The following DPYD variants were observed in gnomAD, a reference collection of about 807,000 sequenced individuals.
DPYD encodes the protein dihydropyrimidine dehydrogenase [NADP(+)].
Under a neutral mutation model 116.2 loss-of-function variants are expected in DPYD, and 109 were observed. That is an observed-to-expected ratio of 0.94 (90% CI 0.80 to 1.10). DPYD has a LOEUF of 1.10. Ranked by LOEUF, DPYD falls within the 50% of genes least tolerant of loss-of-function variation. The pLI is 0.00. For synonymous variants in DPYD, 440 were observed against 432.0 expected (o/e 1.02, Z -0.23); for missense variants, 1,302 against 1,254.5 (o/e 1.04, Z -0.57).
chr1:97,652,427 A>T (rs188062104), intron 8 of DPYD, among the ~76,000 whole-genome samples: 1 of 152,324 alleles, frequency 6.6e-6, no homozygotes, highest in Admixed American at 6.5e-5. Flanking sequence ...AATTGGTATC[A>T]TTACTGATTA....
intron 5 of DPYD, chr1:97,720,274 A>G (rs951481328): frequency 2.0e-6 from 2 of 985,246 alleles, no homozygotes; most frequent in African/African-American, 3.5e-5. Context: ...TAGTTGATAT[A>G]CATACTATGT....
chr1:97,821,868 T>C (rs933069647), intron 3 of DPYD, among the ~76,000 whole-genome samples: 1 of 152,060 alleles, frequency 6.6e-6, no homozygotes, highest in African/African-American at 2.4e-5. Context: ...CAAAGCATTC[T>C]CTCCTCTATA....
intron 13 of DPYD, among the ~76,000 whole-genome samples, chr1:97,495,664 A>T (rs1679221402): frequency 6.6e-6 from 1 of 152,036 alleles, no homozygotes; most frequent in African/African-American, 2.4e-5. Flanking sequence ...ATTATTATTA[A>T]GATTTTCTTT....
chr1:97,767,650 CAAGAT>C (rs1289876460), intron 3 of DPYD, among the ~76,000 whole-genome samples: 3 of 150,958 alleles, frequency 2.0e-5, no homozygotes, highest in Non-Finnish European at 4.4e-5. Context: ...AGAGTTCAGT[CAAGAT>C]AAGCAGAACA....
chr1:97,586,121 C>G (rs1402430471), intron 10 of DPYD: 1 of 154,140 alleles, frequency 6.5e-6, no homozygotes, highest in Non-Finnish European at 1.4e-5. Context: ...ACGGGTGCAG[C>G]AGAAAAAGAC....
At chr1:97,460,176 A>G (rs1300942214) in intron 13 of DPYD, among the ~76,000 whole-genome samples, 3 of 152,230 alleles carry the variant, frequency 2.0e-5, no homozygotes, top group Non-Finnish European at 2.9e-5. Flanking sequence ...AAATCTGAAG[A>G]TAACAGTGTT....
rs568553235 is a variant in DPYD, at chr1:97,162,142, G to A, written c.2622+30927C>T. ...TCTAGTTCTAGGTCCCTGAGGAATC[G>A]CCACACTGACTTCCACAGTGGTTGA... is the stretch of plus-strand genomic sequence containing the variant. On this transcript the variant is annotated intron_variant, in intron 20 of 22. Transcript: ENST00000370192. 3.8e-3 allele frequency among the ~76,000 whole-genome samples: 571 copies of A among 152,112 alleles called. 7 individuals carry two copies. Among genetic ancestry groups the A allele is most frequent in the African/African-American group, 0.013 (539 of 41,480 alleles).
At chr1:97,415,174 CATTGGTAGAATGAA>C (rs1174969467) in intron 14 of DPYD, among the ~76,000 whole-genome samples, 2 of 152,106 alleles carry the variant, frequency 1.3e-5, no homozygotes, top group Non-Finnish European at 2.9e-5. Context: ...AACTCTAGGA[CATTGGTAGAATGAA>C]AAGCTGGGAA....
At chr1:97,829,114 G>C (rs1165198638) in intron 2 of DPYD, among the ~76,000 whole-genome samples, 1 of 151,076 alleles carries the variant, frequency 6.6e-6, no homozygotes, top group Non-Finnish European at 1.5e-5. Context: ...GTATTTAGTT[G>C]ATAAAATAAC....
chr1:97,471,565 T>C lies in DPYD; in HGVS notation c.1741-21342A>G, dbSNP rs75957149. ...CAGAAATGAGTATTTTCACAGTAAA[T>C]TAGTATGGGATGTGATCGTCCCACT... On this transcript the variant is annotated intron_variant, in intron 13 of 22. Transcript: ENST00000370192. Among the ~76,000 whole-genome samples, 377 of 151,294 alleles carry C rather than the reference T, an allele frequency of 2.5e-3. 7 individuals carry two copies. In the East Asian group the frequency reaches 0.04, roughly 16 times the overall value.
intron 14 of DPYD, among the ~76,000 whole-genome samples, chr1:97,395,906 A>G (rs532451954): frequency 4.1e-4 from 62 of 152,018 alleles, no homozygotes; most frequent in Non-Finnish European, 7.1e-4. Flanking sequence ...GCTGACCTAG[A>G]TTAGCCAGTC....
chr1:97,544,674 G>GAA (rs147676795), intron 12 of DPYD, among the ~76,000 whole-genome samples: 26,573 of 140,726 alleles, frequency 0.19, 2,571 homozygotes, highest in Middle Eastern at 0.23. Context: ...GAAATGAACA[G>GAA]AAAAAAAAAA....
rs72726647 is a variant in DPYD at position 97,236,739 on chromosome 1, C to G, written c.2300-1745G>C. On this transcript the variant is annotated intron_variant, in intron 18 of 22. Transcript: ENST00000370192. ...CAAGTGTGAAACCTATTGTAAAGTT[C>G]GGACTTTGGGTGGTTAGGCTATAGG... Among the ~76,000 whole-genome samples the G allele has an allele frequency of 9.0e-3, 1,375 of 152,242 alleles. 14 individuals carry two copies. The highest frequency in any genetic ancestry group is 0.038 in the Middle Eastern group (11 of 292).
At chr1:97,530,276 G>A (rs1425043101) in intron 12 of DPYD, among the ~76,000 whole-genome samples, 1 of 142,402 alleles carries the variant, frequency 7.0e-6, no homozygotes, top group East Asian at 2.1e-4. Context: ...GGAGTGCAGC[G>A]GCACAATCTC....
intron 3 of DPYD, chr1:97,797,995 G>A (rs928110243): frequency 2.0e-5 from 3 of 151,850 alleles, no homozygotes; most frequent in African/African-American, 7.3e-5. Flanking sequence ...CTAACTCTGG[G>A]GAACATAACG....
intron 11 of DPYD, among the ~76,000 whole-genome samples, chr1:97,564,409 G>A (rs978105402): frequency 6.6e-6 from 1 of 152,102 alleles, no homozygotes; most frequent in Non-Finnish European, 1.5e-5. Context: ...TTAAGAAGCT[G>A]TTATTTAAAT....
intron 13 of DPYD, among the ~76,000 whole-genome samples, chr1:97,503,156 GATA>G (rs1266668292): frequency 6.8e-6 from 1 of 147,766 alleles, no homozygotes; most frequent in Admixed American, 6.7e-5. Flanking sequence ...TACTTAATAA[GATA>G]ATATTTGTAT....
chr1:97,485,422 G>A (rs942144975), intron 13 of DPYD, among the ~76,000 whole-genome samples: 13 of 152,172 alleles, frequency 8.5e-5, no homozygotes, highest in South Asian at 2.1e-4. Flanking sequence ...GGCTGGTCTC[G>A]AACTCCTGAG....
chr1:97,627,195 G>A (rs1403110978), intron 8 of DPYD, among the ~76,000 whole-genome samples: 1 of 151,860 alleles, frequency 6.6e-6, no homozygotes, highest in Admixed American at 6.6e-5. Context: ...ACACATTTAG[G>A]GAGACATAAA....
Sources: allele counts gnomAD v4.1 joint callset (sites outside exome capture counted in the v4.1 genomes callset), GRCh38; gene constraint gnomAD v4.1.1; transcripts MANE v1.5; gene names NCBI Gene and HGNC (gene_info 2026-07-23, HGNC 2026-07-21).